Variants in ARHGAP29 observed in about 807,000 individuals in gnomAD.
ARHGAP29 encodes the protein Rho GTPase activating protein 29.
In ARHGAP29, 43 loss-of-function variants were observed where a neutral mutation model predicts 122.6. The observed-to-expected ratio is 0.35, with a 90% CI of 0.27 to 0.45. The LOEUF (loss-of-function observed/expected upper bound fraction) is 0.45. Among genes scored for constraint, ARHGAP29 ranks in the 20% least tolerant of loss-of-function variants. The pLI, the probability that ARHGAP29 is intolerant of heterozygous loss-of-function variation, is 1.00. For missense variants in ARHGAP29, 1,303 were observed against 1,477.2 expected (o/e 0.88, Z 1.93); for synonymous variants, 506 against 497.1 (o/e 1.02, Z -0.24).
intron 1 of ARHGAP29, among the ~76,000 whole-genome samples, chr1:94,256,708 A>C (rs998253293): frequency 4.0e-5 from 6 of 150,356 alleles, no homozygotes; most frequent in Non-Finnish European, 8.9e-5. Context: ...ACAGGCGCCC[A>C]CTACCACGCC....
rs1650046446 is a variant in ARHGAP29 at position 94,190,064 on chromosome 1, T to C, written c.1301A>G (p.His434Arg). 6.2e-7 allele frequency: 1 copy of C among 1,613,088 alleles called. No individual in the cohort carries two copies. Among genetic ancestry groups the C allele is most frequent in the Non-Finnish European group, 8.5e-7 (1 of 1,179,460 alleles). ...TLKAVTVNLF[H>R]MQHLQAASLA... ...GGAAGCAGCCTGCAGATGCTGCATG[T>C]GGAAGAGGTTAACTGTTACCTATGG... The change falls in exon 13 of 23, where the codon CAC (histidine) becomes CGC (arginine). Residue 434 changes from histidine (H) to arginine (R), a missense_variant. Around this residue, in one of 3 missense-constraint regions of ARHGAP29, gnomAD observed 592 missense variants for 648.2 expected, o/e 0.91. Coordinates refer to ENST00000260526, the MANE Select transcript of ARHGAP29 (RefSeq NM_004815.4).
the ARHGAP29 span, among the ~76,000 whole-genome samples, chr1:94,300,185 C>T: frequency 1.3e-5 from 2 of 152,286 alleles, no homozygotes; most frequent in South Asian, 4.1e-4. Context: ...TCATTTAGTA[C>T]AATGCCCTTC....
At chr1:94,233,896 T>C (rs1044714232) in intron 1 of ARHGAP29, among the ~76,000 whole-genome samples, 7 of 152,238 alleles carry the variant, frequency 4.6e-5, no homozygotes, top group African/African-American at 1.4e-4. Context: ...TAATAGGTCA[T>C]GACCCTACAG....
chr1:94,253,202 C>T (rs1654169230), intron 1 of ARHGAP29, among the ~76,000 whole-genome samples: 1 of 152,052 alleles, frequency 6.6e-6, no homozygotes, highest in African/African-American at 2.4e-5. Context: ...ATCTCCTGAG[C>T]TAGTGATCCG....
upstream of ARHGAP29, among the ~76,000 whole-genome samples, chr1:94,277,599 G>GA (rs377257221): frequency 1.3e-5 from 2 of 151,796 alleles, no homozygotes. Flanking sequence ...GTATGGAAGA[G>GA]AAAAAAAATA....
intron 8 of ARHGAP29, 54 bp downstream of exon 8, chr1:94,203,876 G>A (rs958889245): frequency 6.8e-7 from 1 of 1,479,426 alleles, no homozygotes; most frequent in South Asian, 1.2e-5. Context: ...AAATTATTGG[G>A]AGTTCATGAG....
At chr1:94,221,210 A>C (rs891538175) in intron 2 of ARHGAP29, among the ~76,000 whole-genome samples, 2 of 152,196 alleles carry the variant, frequency 1.3e-5, no homozygotes, top group African/African-American at 4.8e-5. Context: ...CAACAATCAC[A>C]TTCTAGGATC....
the ARHGAP29 span, among the ~76,000 whole-genome samples, chr1:94,304,855 A>G: frequency 6.6e-6 from 1 of 152,206 alleles, no homozygotes; most frequent in African/African-American, 2.4e-5. Flanking sequence ...TCAGTTCAGG[A>G]CATAATGATT....
intron 1 of ARHGAP29, among the ~76,000 whole-genome samples, chr1:94,247,114 G>A (rs1035481371): frequency 6.6e-6 from 1 of 152,152 alleles, no homozygotes; most frequent in Non-Finnish European, 1.5e-5. Flanking sequence ...CTCAGCCTTT[G>A]CATGTGTCAG....
the ARHGAP29 span, chr1:94,302,209 T>C: frequency 3.8e-6 from 1 of 265,360 alleles, no homozygotes; most frequent in African/African-American, 2.3e-5. Context: ...CAAGTTCCAC[T>C]GCACCATCAA....
At chr1:94,204,144 CTTTT>C in intron 7 of ARHGAP29, 150 bp from the exon 8 acceptor site, 12 of 381,066 alleles carry the variant, frequency 3.1e-5, no homozygotes, top group East Asian at 8.9e-5. Context: ...TTCTTTCTTC[CTTTT>C]TTTTTTTTTT....
At chr1:94,222,250 CAAG>C (rs1652344713) in intron 2 of ARHGAP29, among the ~76,000 whole-genome samples, 1 of 152,118 alleles carries the variant, frequency 6.6e-6, no homozygotes, top group South Asian at 2.1e-4. Context: ...ACTTTGCTCT[CAAG>C]AAGGTGAAAC....
intron 2 of ARHGAP29, among the ~76,000 whole-genome samples, chr1:94,227,095 C>T (rs368478750): frequency 2.7e-5 from 4 of 150,868 alleles, no homozygotes; most frequent in South Asian, 4.2e-4. Context: ...CCTCTCATAA[C>T]AGAATATATT....
At chr1:94,175,661 T>TG (rs1649049343) in intron 22 of ARHGAP29, among the ~76,000 whole-genome samples, 2 of 152,160 alleles carry the variant, frequency 1.3e-5, no homozygotes, top group Admixed American at 1.3e-4. Context: ...CACCTGGGAC[T>TG]GCTGGCCTCT....
chr1:94,214,007 T>C (rs191572791), intron 3 of ARHGAP29, among the ~76,000 whole-genome samples: 1 of 152,190 alleles, frequency 6.6e-6, no homozygotes, highest in South Asian at 2.1e-4. Flanking sequence ...TTGGACAAGC[T>C]TCTCTCTATG....
At chr1:94,248,168 A>T (rs548887130) in intron 1 of ARHGAP29, 2 of 151,660 alleles carry the variant, frequency 1.3e-5, no homozygotes, top group Non-Finnish European at 2.9e-5. Context: ...AACTCCCCCC[A>T]CTCTTTTCTG....
intron 3 of ARHGAP29, 79 bp downstream of exon 3, chr1:94,220,179 A>C: frequency 6.7e-7 from 1 of 1,493,342 alleles, no homozygotes; most frequent in African/African-American, 1.4e-5. Context: ...GGAATTGGCT[A>C]TATATTCACT....
At chr1:94,287,657 C>A in the ARHGAP29 span, among the ~76,000 whole-genome samples, 1,497 of 152,154 alleles carry the variant, frequency 9.8e-3, 22 homozygotes, top group African/African-American at 0.033. Flanking sequence ...CCCCAGCTCC[C>A]CACCCCACAA....
intron 3 of ARHGAP29, among the ~76,000 whole-genome samples, chr1:94,217,860 C>CA (rs147929517): frequency 6.6e-6 from 1 of 150,872 alleles, no homozygotes; most frequent in African/African-American, 2.4e-5. Context: ...TAAAAAAAAA[C>CA]AAAAAAAAAA....
Sources: gnomAD v4.1 joint callset for allele counts (sites outside exome capture counted in the v4.1 genomes callset) on GRCh38, gnomAD v4.1.1 for gene constraint, gnomAD v4.1.1 regional missense constraint, MANE v1.5 for transcripts, NCBI Gene and HGNC (gene_info 2026-07-23, HGNC 2026-07-21) for gene names.